The following ADGRA3 variants were observed in gnomAD, a reference collection of about 807,000 sequenced individuals.
The protein encoded by ADGRA3 is adhesion G protein-coupled receptor A3.
A neutral mutation model predicts 119.8 loss-of-function variants in ADGRA3; 56 were observed. That is an observed-to-expected ratio of 0.47 (90% CI 0.38 to 0.58). The LOEUF is 0.58. Ranked by LOEUF, ADGRA3 falls within the 20% of genes least tolerant of loss-of-function variation. The pLI, the probability that ADGRA3 is intolerant of heterozygous loss-of-function variation, is 0.00. For missense variants in ADGRA3, 1,516 were observed against 1,649.0 expected, an observed-to-expected ratio of 0.92 and a Z score of 1.40; for synonymous variants, 607 against 623.8, an observed-to-expected ratio of 0.97 and a Z score of 0.40.
At chr4:22,475,461 G>A (rs573915015) in intron 1 of ADGRA3, among the ~76,000 whole-genome samples, 5 of 152,216 alleles carry the variant, frequency 3.3e-5, no homozygotes, top group African/African-American at 7.2e-5. Context: ...GGCCGGGGGC[G>A]GCGGCTCACG....
At chr4:22,511,093 G>A (rs1222791382) in intron 1 of ADGRA3, among the ~76,000 whole-genome samples, 1 of 152,172 alleles carries the variant, frequency 6.6e-6, no homozygotes, top group African/African-American at 2.4e-5. Context: ...GAGGTTATCT[G>A]ACAAATTACA....
intron 3 of ADGRA3, 65 bp from the exon 4 acceptor site, chr4:22,455,002 C>T: frequency 8.8e-7 from 1 of 1,141,212 alleles, no homozygotes; most frequent in Non-Finnish European, 1.3e-6. Flanking sequence ...CTCATGCATT[C>T]AGTATTCAAG....
At chr4:22,490,972 G>A (rs1718602367) in intron 1 of ADGRA3, among the ~76,000 whole-genome samples, 2 of 152,188 alleles carry the variant, frequency 1.3e-5, no homozygotes, top group Admixed American at 6.5e-5. Flanking sequence ...CAATAGTGAG[G>A]GTGTTCCTGA....
At chr4:22,416,560 A>G (rs1333122690) in intron 12 of ADGRA3, among the ~76,000 whole-genome samples, 2 of 152,100 alleles carry the variant, frequency 1.3e-5, no homozygotes, top group Non-Finnish European at 2.9e-5. Flanking sequence ...GATCAGGACC[A>G]TGACAAGCAC....
intron 2 of ADGRA3, among the ~76,000 whole-genome samples, chr4:22,469,596 G>T: frequency 6.6e-6 from 1 of 152,142 alleles, no homozygotes; most frequent in East Asian, 1.9e-4. Flanking sequence ...GTCTCCATGT[G>T]GAAGCCTAAC....
At chr4:22,427,289 T>C (rs1016047446) in intron 10 of ADGRA3, among the ~76,000 whole-genome samples, 2 of 152,122 alleles carry the variant, frequency 1.3e-5, no homozygotes, top group Non-Finnish European at 1.5e-5. Flanking sequence ...CTAAACTTAT[T>C]GTTTAATACT....
chr4:22,468,722 T>A (rs1248455120), intron 2 of ADGRA3, among the ~76,000 whole-genome samples: 1 of 149,210 alleles, frequency 6.7e-6, no homozygotes, highest in Non-Finnish European at 1.5e-5. Context: ...GAAGCCAAGA[T>A]CATGCCACCA....
intron 17 of ADGRA3, 91 bp downstream of exon 17, chr4:22,392,454 C>T (rs1415449358): frequency 2.9e-5 from 43 of 1,484,764 alleles, no homozygotes; most frequent in Non-Finnish European, 4.0e-5. Flanking sequence ...TCTTTTACTT[C>T]CCAAAATTCA....
intron 2 of ADGRA3, 27 bp from the exon 3 acceptor site, chr4:22,461,835 C>T: frequency 7.3e-7 from 1 of 1,371,796 alleles, no homozygotes; most frequent in Non-Finnish European, 1.0e-6. Context: ...AAAAGTTATT[C>T]ACATATCAAC....
chr4:22,511,069 C>G (rs1042829440), intron 1 of ADGRA3, among the ~76,000 whole-genome samples: 8 of 152,138 alleles, frequency 5.3e-5, no homozygotes, highest in African/African-American at 1.9e-4. Flanking sequence ...GTGTGTTAGT[C>G]TGAGAAAAAC....
At chr4:22,396,120 A>C (rs1714337850) in intron 16 of ADGRA3, among the ~76,000 whole-genome samples, 1 of 152,168 alleles carries the variant, frequency 6.6e-6, no homozygotes, top group African/African-American at 2.4e-5. Context: ...GAACCAGAAC[A>C]CAGATCCCTT....
At chr4:22,417,272 T>C (rs1021734434) in intron 12 of ADGRA3, among the ~76,000 whole-genome samples, 1 of 152,208 alleles carries the variant, frequency 6.6e-6, no homozygotes, top group East Asian at 1.9e-4. Context: ...TTATTGAATG[T>C]TTAGTTACTC....
At chr4:22,394,020 A>C (rs1714246483) in intron 16 of ADGRA3, 1 of 152,224 alleles carries the variant, frequency 6.6e-6, no homozygotes, top group African/African-American at 2.4e-5. Context: ...CTTAAATTTT[A>C]GTTTAAGAAA....
At chr4:22,497,090 T>A (rs1299138691) in intron 1 of ADGRA3, among the ~76,000 whole-genome samples, 1 of 152,070 alleles carries the variant, frequency 6.6e-6, no homozygotes, top group Non-Finnish European at 1.5e-5. Context: ...GCCTGCCCAC[T>A]TAGAGAGAGT....
In ADGRA3 at chr4:22,442,753, T is replaced by C. The variant is rs375429759; in HGVS notation, c.817A>G (p.Met273Val). The C allele has an allele frequency of 6.8e-6, 11 of 1,612,110 alleles. No individual in the cohort carries two copies. Among genetic ancestry groups the C allele is most frequent in the Non-Finnish European group, 9.3e-6 (11 of 1,178,404 alleles). Residue 273 changes from methionine (M) to valine (V), a missense_variant, in exon 7 of 19, where the codon ATG becomes GTG. Around this residue, in one of 2 missense-constraint regions of ADGRA3, gnomAD observed 428 missense variants for 541.9 expected, o/e 0.79. Transcript: ENST00000334304. Reference sequence around the variant, plus strand: ...CCATCCTGATACCACAACACTTGCATGTCCTGATCAATATATGAAGCCATG... The same window carrying C: ...CCATCCTGATACCACAACACTTGCACGTCCTGATCAATATATGAAGCCATG... ...QCMASYIDQDMQVLWYQDGRI... is the reference protein window; with the variant it reads ...QCMASYIDQDVQVLWYQDGRI...
intron 4 of ADGRA3, among the ~76,000 whole-genome samples, chr4:22,452,462 T>C (rs920150575): frequency 1.1e-4 from 16 of 152,182 alleles, no homozygotes; most frequent in African/African-American, 3.6e-4. Flanking sequence ...TATAAGATCA[T>C]CTCAATCAAA....
Position 22,388,756 on chromosome 4 carries a change from T to C in ADGRA3, c.2915A>G (p.His972Arg), listed in dbSNP as rs752322002. The change falls in exon 19 of 19, where the codon CAT becomes CGT. Residue 972 changes from histidine (H) to arginine (R), a missense_variant. His to Arg is a conservative substitution (Grantham distance 29). Around this residue, in one of 2 missense-constraint regions of ADGRA3, gnomAD observed 1,088 missense variants for 1,107.1 expected, o/e 0.98. Transcript: ENST00000334304. Reference sequence around the variant, plus strand: ...CAGAGACAAAGACATTGAATCCTGATGATTTATTTCGCCATTTTCATTGGC... The same window carrying C: ...CAGAGACAAAGACATTGAATCCTGACGATTTATTTCGCCATTTTCATTGGC... ...LAANENGEINHQDSMSLSLIS... is the reference protein window; with the variant it reads ...LAANENGEINRQDSMSLSLIS... 2 of 1,614,106 alleles carry C rather than the reference T, an allele frequency of 1.2e-6. No individual in the cohort carries two copies. Among genetic ancestry groups the C allele is most frequent in the East Asian group, 2.2e-5 (1 of 44,866 alleles).
chr4:22,419,230 G>A (rs6848965), intron 12 of ADGRA3, among the ~76,000 whole-genome samples: 1,655 of 132,112 alleles, frequency 0.013, 24 homozygotes, highest in African/African-American at 0.045. Flanking sequence ...AGGTTTTCTA[G>A]TTAGTATATT....
In ADGRA3 at chr4:22,388,426, G is replaced by A. The variant is rs117576731; in HGVS notation, c.3245C>T (p.Thr1082Met). 3.8e-4 allele frequency: 617 copies of A among 1,613,996 alleles called. 7 individuals carry two copies. The East Asian group carries it at 9.9e-3, about 26-fold the overall frequency. ...GGGGCATTTGGGTGCCTCTCCATTC[G>A]TCCCATTAGAGTTGGGGGGCTGGAC... is the stretch of plus-strand genomic sequence containing the variant. ...VNVQPPNSNG[T>M]NGEAPKCPNS... The change falls in exon 19 of 19, where the codon ACG (threonine) becomes ATG (methionine). Residue 1082 changes from threonine to methionine, a missense_variant. Thr to Met is a moderately conservative substitution (Grantham distance 81). Around this residue, in one of 2 missense-constraint regions of ADGRA3, gnomAD observed 1,088 missense variants for 1,107.1 expected, o/e 0.98. Coordinates refer to ENST00000334304, the MANE Select transcript of ADGRA3 (RefSeq NM_145290.4).
Sources: gnomAD v4.1 joint callset for allele counts (sites outside exome capture counted in the v4.1 genomes callset) on GRCh38, gnomAD v4.1.1 for gene constraint, gnomAD v4.1.1 regional missense constraint, MANE v1.5 for transcripts, NCBI Gene and HGNC (gene_info 2026-07-23, HGNC 2026-07-21) for gene names.